The following CD163L1 variants were observed in gnomAD, a reference collection of about 807,000 sequenced individuals.
CD163L1 encodes the protein scavenger receptor cysteine-rich type 1 protein M160.
A neutral mutation model predicts 165.4 loss-of-function variants in CD163L1; 124 were observed. The ratio of observed to expected loss-of-function variants is 0.75; its 90% CI spans 0.65 to 0.87. The LOEUF (loss-of-function observed/expected upper bound fraction) is 0.87. Among genes scored for constraint, CD163L1 ranks in the 40% least tolerant of loss-of-function variants. The pLI is 0.00. For synonymous variants in CD163L1, 585 were observed against 662.2 expected (o/e 0.88, Z 1.79); for missense variants, 1,525 against 1,799.9 (o/e 0.85, Z 2.76).
downstream of CD163L1, among the ~76,000 whole-genome samples, chr12:7,352,348 C>T (rs991902972): frequency 1.5e-4 from 23 of 152,014 alleles, no homozygotes; most frequent in Admixed American, 1.1e-3. Flanking sequence ...CTCATCTCCC[C>T]ACATCTCCAA....
At chr12:7,329,863 T>C in the CD163L1 span, among the ~76,000 whole-genome samples, 1 of 152,094 alleles carries the variant, frequency 6.6e-6, no homozygotes, top group African/African-American at 2.4e-5. Flanking sequence ...CAAATAAATA[T>C]AAAAGCCTAA....
At chr12:7,349,615 G>A (rs939826354) in intron 4 of CD163L1, among the ~76,000 whole-genome samples, 4 of 152,156 alleles carry the variant, frequency 2.6e-5, no homozygotes, top group Non-Finnish European at 5.9e-5. Flanking sequence ...AATTGTCGTG[G>A]CCACACCAAA....
the CD163L1 span, chr12:7,322,283 A>T: frequency 8.0e-7 from 1 of 1,244,628 alleles, no homozygotes; most frequent in East Asian, 2.4e-5. Context: ...GGTGTTCAAC[A>T]AGTATTTGTT....
the CD163L1 span, among the ~76,000 whole-genome samples, chr12:7,339,951 A>G: frequency 6.6e-6 from 1 of 152,114 alleles, no homozygotes; most frequent in Non-Finnish European, 1.5e-5. Context: ...GCCTGAGGAG[A>G]CTGAAAGTCC....
chr12:7,328,355 A>G, the CD163L1 span: 1 of 1,591,288 alleles, frequency 6.3e-7, no homozygotes, highest in Non-Finnish European at 8.6e-7. Flanking sequence ...TAAGAGACCA[A>G]GAATGGAGAG....
the CD163L1 span, chr12:7,327,039 C>T: frequency 7.4e-6 from 12 of 1,612,474 alleles, no homozygotes; most frequent in Non-Finnish European, 1.0e-5. Flanking sequence ...GAAATTAACT[C>T]TTGAACTTCA....
At chr12:7,366,927 TG>T (rs1947033124) in intron 18 of CD163L1, among the ~76,000 whole-genome samples, 1 of 152,214 alleles carries the variant, frequency 6.6e-6, no homozygotes, top group African/African-American at 2.4e-5. Context: ...GGGTTTGTAA[TG>T]AAACTGTGGA....
intron 4 of CD163L1, among the ~76,000 whole-genome samples, chr12:7,418,827 G>C (rs1254413297): frequency 1.3e-5 from 2 of 151,894 alleles, no homozygotes; most frequent in Non-Finnish European, 2.9e-5. Context: ...GATTAAACCA[G>C]GAAGAAATAG....
the CD163L1 span, among the ~76,000 whole-genome samples, chr12:7,331,273 AAC>A: frequency 5.8e-4 from 89 of 152,360 alleles, no homozygotes; most frequent in African/African-American, 2.0e-3. Flanking sequence ...TGAGTAGGTA[AAC>A]AAAGTGGCCA....
At chr12:7,416,160 T>A (rs1258601988) in intron 4 of CD163L1, among the ~76,000 whole-genome samples, 1 of 152,228 alleles carries the variant, frequency 6.6e-6, no homozygotes, top group Non-Finnish European at 1.5e-5. Flanking sequence ...TTGGTTTGCA[T>A]TTCTCAGACG....
At position 7,375,519 on chromosome 12, in the gene CD163L1, CCA is replaced by C. The variant is rs761361719; in HGVS notation, c.2761_2762del (p.Trp921GlyfsTer5). The C allele has an allele frequency of 1.9e-6, 3 of 1,613,904 alleles. No individual in the cohort carries two copies. Among genetic ancestry groups the C allele is most frequent in the Non-Finnish European group, 2.5e-6 (3 of 1,180,014 alleles). On this transcript the variant is annotated frameshift_variant, in exon 11 of 20. Coordinates refer to ENST00000313599, the MANE Select transcript of CD163L1 (RefSeq NM_174941.6). LOFTEE classifies it high-confidence loss of function. ...GQVEINVLGH[W>X]GSLCDTHWDP... Reference sequence around the variant, plus strand: ...CCCAGTGGGTGTCACACAGTGAGCCCCAGTGTCCAAGCACGTTGATCTCCACT... The same window carrying C: ...CCCAGTGGGTGTCACACAGTGAGCCCGTGTCCAAGCACGTTGATCTCCACT...
At chr12:7,327,587 A>G in the CD163L1 span, among the ~76,000 whole-genome samples, 3 of 152,220 alleles carry the variant, frequency 2.0e-5, no homozygotes, top group Admixed American at 6.5e-5. Context: ...TACTACGTAA[A>G]TACATGAAGA....
downstream of CD163L1, among the ~76,000 whole-genome samples, chr12:7,345,234 C>A (rs1448674900): frequency 6.7e-6 from 1 of 150,054 alleles, no homozygotes; most frequent in Non-Finnish European, 1.5e-5. Flanking sequence ...TAAGTCATTT[C>A]TTTGCTCCTG....
chr12:7,333,416 G>T, the CD163L1 span, among the ~76,000 whole-genome samples: 1 of 152,106 alleles, frequency 6.6e-6, no homozygotes, highest in Non-Finnish European at 1.5e-5. Flanking sequence ...AATGAAGGCA[G>T]AAATAAAGAT....
intron 4 of CD163L1, among the ~76,000 whole-genome samples, chr12:7,425,384 G>A (rs1021770803): frequency 6.6e-6 from 1 of 152,086 alleles, no homozygotes. Flanking sequence ...ACAAACCCTA[G>A]AAGAAAACCT....
In CD163L1 at chr12:7,368,897, G is replaced by A. The variant is rs761647734; in HGVS notation, c.4072+36C>T. 5.0e-5 allele frequency: 80 copies of A among 1,608,698 alleles called. 2 individuals are homozygous for A. The highest frequency in any genetic ancestry group is 3.3e-4 in the Middle Eastern group (2 of 6,044). On this transcript the variant is annotated intron_variant, in intron 16 of 19. Coordinates refer to ENST00000313599, the MANE Select transcript of CD163L1 (RefSeq NM_174941.6). This position sits in a 1 kb window ranked among gnomAD's most constrained non-coding sequence, Gnocchi z 4.3. The stretch of plus-strand genomic sequence containing the variant: ...CCCTTGACCTTCCATGTAGCCTTAG[G>A]TATTTGTGTCAGCACTGATAGGCAG...
At chr12:7,416,416 A>T (rs1948241743) in intron 4 of CD163L1, among the ~76,000 whole-genome samples, 1 of 152,126 alleles carries the variant, frequency 6.6e-6, no homozygotes, top group South Asian at 2.1e-4. Context: ...GAAGCTCCTT[A>T]GTTTAATTAG....
the CD163L1 span, chr12:7,328,238 TTGGA>T: frequency 7.0e-7 from 1 of 1,424,790 alleles, no homozygotes; most frequent in Non-Finnish European, 9.6e-7. Context: ...GCACGGACAA[TTGGA>T]AGGATGGAAT....
chr12:7,418,632 A>C (rs1948291128), intron 4 of CD163L1, among the ~76,000 whole-genome samples: 1 of 152,104 alleles, frequency 6.6e-6, no homozygotes, highest in African/African-American at 2.4e-5. Flanking sequence ...ATAAACAATT[A>C]GTGAGATTAA....
Sources: allele counts gnomAD v4.1 joint callset (sites outside exome capture counted in the v4.1 genomes callset), GRCh38; gene constraint gnomAD v4.1.1; non-coding constraint Gnocchi (gnomAD v3.1); transcripts MANE v1.5; gene names NCBI Gene and HGNC (gene_info 2026-07-23, HGNC 2026-07-21).